Variants in DIS3L2 observed in about 807,000 individuals in gnomAD.
DIS3L2 encodes DIS3-like exonuclease 2.
DIS3L2 carries 34 observed loss-of-function variants against 97.5 expected under a neutral mutation model. The observed-to-expected ratio is 0.35, with a 90% CI of 0.27 to 0.46. DIS3L2 has a LOEUF of 0.46. Ranked by LOEUF, DIS3L2 falls within the 20% of genes least tolerant of loss-of-function variation. The pLI, the probability that DIS3L2 is intolerant of heterozygous loss-of-function variation, is 1.00. For synonymous variants in DIS3L2, 435 were observed against 445.2 expected (o/e 0.98, Z 0.29); for missense variants, 1,038 against 1,146.0 (o/e 0.91, Z 1.36).
chr2:232,063,706 G>A (rs981716678), intron 5 of DIS3L2, among the ~76,000 whole-genome samples: 1 of 152,004 alleles, frequency 6.6e-6, no homozygotes, highest in African/African-American at 2.4e-5. Context: ...TATACCATTT[G>A]ATTGATGATT....
intron 1 of DIS3L2, among the ~76,000 whole-genome samples, chr2:231,962,297 A>G (rs1692583051): frequency 6.6e-6 from 1 of 150,904 alleles, no homozygotes. Context: ...ATAAACTTTT[A>G]GATATGGGGG....
intron 16 of DIS3L2, among the ~76,000 whole-genome samples, chr2:232,333,245 TCCTCCTCCTCCGCTGTCG>T (rs1305231360): frequency 1.5e-5 from 1 of 67,914 alleles, no homozygotes; most frequent in African/African-American, 6.0e-5. Context: ...CTCCTCCTCC[TCCTCCTCCTCCGCTGTCG>T]CCTCCTCCTC....
intron 5 of DIS3L2, among the ~76,000 whole-genome samples, chr2:232,054,162 C>A (rs1695484652): frequency 6.6e-6 from 1 of 152,188 alleles, no homozygotes; most frequent in Admixed American, 6.5e-5. Context: ...TTAATTATAT[C>A]ATAATATGAC....
At chr2:231,991,338 T>C (rs796233893) in intron 1 of DIS3L2, among the ~76,000 whole-genome samples, 28 of 152,310 alleles carry the variant, frequency 1.8e-4, no homozygotes, top group African/African-American at 6.5e-4. Context: ...AATGGCACTA[T>C]CATAGCTTAC....
chr2:232,163,429 C>T, intron 8 of DIS3L2, 30 bp from the exon 9 acceptor site: 1 of 1,597,924 alleles, frequency 6.3e-7, no homozygotes. Context: ...GTTTGCTAAC[C>T]CAGTTATTCC....
Position 232,343,581 on chromosome 2 carries a change from C to T in DIS3L2, c.*6C>T, listed in dbSNP as rs752754225. On this transcript the variant is annotated 3_prime_UTR_variant, in exon 14 of 14. Transcript: ENST00000273009. ...CAACCCAGTTGCAGATTTGAAGAAG[C>T]ATGTGGAATTCCTTGTGGCGGAGAA... 1.9e-6 allele frequency: 3 copies of T among 1,575,142 alleles called. No homozygotes were observed. In the South Asian group the frequency reaches 3.5e-5, roughly 18 times the overall value.
chr2:232,258,155 G>A (rs1200322069), intron 12 of DIS3L2, among the ~76,000 whole-genome samples: 1 of 152,158 alleles, frequency 6.6e-6, no homozygotes, highest in African/African-American at 2.4e-5. Flanking sequence ...TCCTTTTTCA[G>A]TAGTTTTTTC....
At chr2:232,309,964 C>G (rs1331104555) in intron 14 of DIS3L2, among the ~76,000 whole-genome samples, 1 of 152,210 alleles carries the variant, frequency 6.6e-6, no homozygotes, top group East Asian at 1.9e-4. Flanking sequence ...TTGCCTTTGC[C>G]TTCATCCTGA....
chr2:232,058,625 C>T (rs938595252), intron 5 of DIS3L2, among the ~76,000 whole-genome samples: 12 of 152,164 alleles, frequency 7.9e-5, no homozygotes, highest in South Asian at 4.1e-4. Context: ...TGGCTTCCTG[C>T]GCTTCCAAAT....
chr2:232,242,919 A>T (rs997534415), intron 11 of DIS3L2, among the ~76,000 whole-genome samples: 1 of 152,112 alleles, frequency 6.6e-6, no homozygotes, highest in Non-Finnish European at 1.5e-5. Context: ...TCCACTTGGT[A>T]TTTATTGAGT....
At chr2:232,045,831 C>T (rs1217627499) in intron 5 of DIS3L2, among the ~76,000 whole-genome samples, 9 of 151,960 alleles carry the variant, frequency 5.9e-5, no homozygotes, top group South Asian at 2.1e-4. Context: ...CCTGCCACCA[C>T]GCCCAGCTAA....
At chr2:231,987,640 C>G (rs1693455629) in intron 1 of DIS3L2, among the ~76,000 whole-genome samples, 1 of 152,150 alleles carries the variant, frequency 6.6e-6, no homozygotes, top group Admixed American at 6.5e-5. Flanking sequence ...GAATCTGGAG[C>G]TCTTTAGTGG....
At chr2:232,307,431 A>C (rs1268112096) in intron 14 of DIS3L2, 1 of 152,248 alleles carries the variant, frequency 6.6e-6, no homozygotes, top group Non-Finnish European at 1.5e-5. Context: ...AATTCTGAAG[A>C]GCTAACATGG....
intron 8 of DIS3L2, among the ~76,000 whole-genome samples, chr2:232,149,231 T>C (rs1358562062): frequency 6.7e-6 from 1 of 148,658 alleles, no homozygotes; most frequent in Admixed American, 6.7e-5. Flanking sequence ...AGTTTTAGGG[T>C]ACATGTGCAC....
At chr2:232,251,486 T>C (rs941759466) in intron 12 of DIS3L2, among the ~76,000 whole-genome samples, 7 of 152,284 alleles carry the variant, frequency 4.6e-5, no homozygotes, top group Admixed American at 3.3e-4. Context: ...ATATACAATA[T>C]CTGTTCAATG....
At chr2:232,146,271 A>G (rs1218691208) in intron 8 of DIS3L2, among the ~76,000 whole-genome samples, 1 of 152,152 alleles carries the variant, frequency 6.6e-6, no homozygotes, top group Non-Finnish European at 1.5e-5. Flanking sequence ...CTAAGATTTT[A>G]TTTTTGGTAG....
At chr2:232,205,758 G>T (rs535626633) in intron 9 of DIS3L2, among the ~76,000 whole-genome samples, 1 of 152,050 alleles carries the variant, frequency 6.6e-6, no homozygotes, top group East Asian at 1.9e-4. Flanking sequence ...AGCAGCCAAA[G>T]CAAAAAGGAA....
intron 8 of DIS3L2, among the ~76,000 whole-genome samples, chr2:232,139,757 A>G (rs189873434): frequency 1.3e-5 from 2 of 152,306 alleles, no homozygotes; most frequent in Admixed American, 1.3e-4. Flanking sequence ...CTGAGAGTAA[A>G]GAATAGATGA....
At chr2:232,137,364 T>C (rs990048387) in intron 8 of DIS3L2, among the ~76,000 whole-genome samples, 1 of 152,236 alleles carries the variant, frequency 6.6e-6, no homozygotes, top group Non-Finnish European at 1.5e-5. Context: ...CCTATTTTCT[T>C]CTTAGAACTG....
Sources: allele counts gnomAD v4.1 joint callset (sites outside exome capture counted in the v4.1 genomes callset), GRCh38; gene constraint gnomAD v4.1.1; transcripts MANE v1.5; gene names NCBI Gene and HGNC (gene_info 2026-07-23, HGNC 2026-07-21).